The following AOPEP variants were observed in gnomAD, a reference collection of about 807,000 sequenced individuals.
The protein encoded by AOPEP is aminopeptidase O (putative), also known as aminopeptidase O.
A neutral mutation model predicts 98.1 loss-of-function variants in AOPEP; 77 were observed. That is an observed-to-expected ratio of 0.78 (90% CI 0.65 to 0.95). The LOEUF (loss-of-function observed/expected upper bound fraction) is 0.95. Among genes scored for constraint, AOPEP ranks in the 40% least tolerant of loss-of-function variants. The probability of loss-of-function intolerance (pLI) is 0.00; values close to 1 mark genes in which losing one functional copy is unlikely to be tolerated. For synonymous variants in AOPEP, 346 were observed against 365.3 expected, an observed-to-expected ratio of 0.95 and a Z score of 0.60; for missense variants, 1,024 against 1,024.7, an observed-to-expected ratio of 1.00 and a Z score of 0.01.
chr9:94,905,907 C>A lies in AOPEP; in HGVS notation c.1365-18079C>A, dbSNP rs534854240. On this transcript the variant is annotated intron_variant, in intron 5 of 16. Coordinates refer to ENST00000375315, the MANE Select transcript of AOPEP (RefSeq NM_001193329.3). ...AGGGGCTGGGGGGAGGGGGCCGGGG[C>A]CCTGTAGTGGACAGAAGTGACAGCA... 2.0e-5 allele frequency among the ~76,000 whole-genome samples: 3 copies of A among 152,178 alleles called. No individual in the cohort carries two copies. In the South Asian group the frequency reaches 6.2e-4, roughly 32 times the overall value.
At chr9:94,779,123 T>G (rs1400670032) in intron 3 of AOPEP, among the ~76,000 whole-genome samples, 1 of 152,218 alleles carries the variant, frequency 6.6e-6, no homozygotes, top group Admixed American at 6.5e-5. Context: ...ACACGCAGCT[T>G]CTTTATCTGG....
the AOPEP span, among the ~76,000 whole-genome samples, chr9:95,141,118 TG>T: frequency 2.9e-3 from 433 of 151,924 alleles, 9 homozygotes; most frequent in South Asian, 0.042. Flanking sequence ...AAGACCAGCC[TG>T]GGCAATATGG....
chr9:94,861,949 G>T (rs1335609745), intron 5 of AOPEP, among the ~76,000 whole-genome samples: 1 of 152,150 alleles, frequency 6.6e-6, no homozygotes, highest in Admixed American at 6.6e-5. Flanking sequence ...TGTTTGGTTG[G>T]ATTTTAAAAA....
intron 11 of AOPEP, among the ~76,000 whole-genome samples, chr9:95,003,446 C>T (rs760158007): frequency 3.3e-5 from 5 of 152,166 alleles, no homozygotes; most frequent in Admixed American, 6.5e-5. Flanking sequence ...CGTGAACTCC[C>T]AAGGAAAAAA....
intron 5 of AOPEP, among the ~76,000 whole-genome samples, chr9:94,913,907 A>G (rs1184608303): frequency 6.6e-6 from 1 of 152,280 alleles, no homozygotes; most frequent in Non-Finnish European, 1.5e-5. Flanking sequence ...CACAAATACA[A>G]TAAACCCAAT....
intron 3 of AOPEP, 140 bp downstream of exon 3, chr9:94,773,308 A>C (rs1293196357): frequency 1.4e-6 from 1 of 701,524 alleles, no homozygotes; most frequent in African/African-American, 1.8e-5. Flanking sequence ...ACATCCTGCC[A>C]GGGAAAACAA....
chr9:94,750,760 T>C (rs898158329), intron 1 of AOPEP, among the ~76,000 whole-genome samples: 14 of 146,630 alleles, frequency 9.5e-5, no homozygotes, highest in South Asian at 2.2e-4. Context: ...TTCTTTCTTT[T>C]TTTTTTTTTT....
In AOPEP at chr9:94,967,752, T is replaced by A; in HGVS notation, c.1873-6T>A. 1 of 1,612,336 alleles carries A rather than the reference T, an allele frequency of 6.2e-7. No homozygotes were observed. The highest frequency in any genetic ancestry group is 8.5e-7 in the Non-Finnish European group (1 of 1,178,368). ...ATCTTTAATGATTTGCTTTTTTTAA[T>A]CCCAGGATTTCCTTCAAATGCTACT... On this transcript the variant is annotated splice_polypyrimidine_tract_variant and splice_region_variant and intron_variant, in intron 9 of 16. Transcript: ENST00000375315.
At chr9:95,114,931 A>C in the AOPEP span, among the ~76,000 whole-genome samples, 1 of 152,148 alleles carries the variant, frequency 6.6e-6, no homozygotes, top group Admixed American at 6.5e-5. Context: ...CAAAGAATCT[A>C]ATCTTTTAAT....
intron 5 of AOPEP, among the ~76,000 whole-genome samples, chr9:94,858,520 C>T (rs544103152): frequency 6.6e-6 from 1 of 152,312 alleles, no homozygotes; most frequent in South Asian, 2.1e-4. Flanking sequence ...TTCCTTACCT[C>T]TTCCAGCTTC....
chr9:94,821,958 C>G (rs1258827827), intron 5 of AOPEP, among the ~76,000 whole-genome samples: 1 of 141,240 alleles, frequency 7.1e-6, no homozygotes, highest in Admixed American at 7.4e-5. Flanking sequence ...ATCTGTGCAC[C>G]CTGTGTGTGT....
Position 94,980,368 on chromosome 9 carries a change from C to T in AOPEP, c.1977+941C>T, listed in dbSNP as rs1471658859. 2.0e-5 allele frequency among the ~76,000 whole-genome samples: 3 copies of T among 152,222 alleles called. No homozygotes were observed. In the East Asian group the frequency reaches 5.8e-4, roughly 29 times the overall value. Reference sequence around the variant, plus strand: ...TGGGCCTTGGCATCTGGGGGCGGTCCCGTGTGGTGAGGCAGGCCCTGTAGC... The same window carrying T: ...TGGGCCTTGGCATCTGGGGGCGGTCTCGTGTGGTGAGGCAGGCCCTGTAGC... On this transcript the variant is annotated intron_variant, in intron 11 of 16. Transcript: ENST00000375315. This position sits in a 1 kb window ranked among gnomAD's most constrained non-coding sequence, Gnocchi z 4.3.
chr9:94,942,829 C>A (rs997939586), intron 7 of AOPEP, among the ~76,000 whole-genome samples: 1 of 148,960 alleles, frequency 6.7e-6, no homozygotes, highest in African/African-American at 2.5e-5. Flanking sequence ...CGCTTGAACC[C>A]GGGAGGCAGA....
intron 5 of AOPEP, among the ~76,000 whole-genome samples, chr9:94,802,053 A>G (rs1338903539): frequency 6.6e-6 from 1 of 152,178 alleles, no homozygotes; most frequent in African/African-American, 2.4e-5. Flanking sequence ...ATTTAGACTG[A>G]TTTTTATCCT....
At chr9:94,791,550 T>C (rs542381282) in intron 3 of AOPEP, among the ~76,000 whole-genome samples, 47 of 151,552 alleles carry the variant, frequency 3.1e-4, no homozygotes, top group Middle Eastern at 3.4e-3. Flanking sequence ...ATACCTGTAG[T>C]CCCAGCTACT....
intron 14 of AOPEP, among the ~76,000 whole-genome samples, chr9:95,074,973 A>G (rs1043707876): frequency 2.6e-5 from 4 of 152,308 alleles, no homozygotes; most frequent in Admixed American, 2.6e-4. Flanking sequence ...GCAGGTGTCC[A>G]GGACCCTGTG....
At chr9:94,799,563 CTG>C (rs1171038444) in intron 4 of AOPEP, among the ~76,000 whole-genome samples, 1 of 152,070 alleles carries the variant, frequency 6.6e-6, no homozygotes, top group African/African-American at 2.4e-5. Flanking sequence ...GAGTGAAATC[CTG>C]TCTTAAATAA....
chr9:95,002,173 T>C (rs2061602552), intron 11 of AOPEP, among the ~76,000 whole-genome samples: 1 of 152,220 alleles, frequency 6.6e-6, no homozygotes, highest in South Asian at 2.1e-4. Context: ...TTAAGCATTT[T>C]AGTGGTGAAA....
intron 5 of AOPEP, among the ~76,000 whole-genome samples, chr9:94,875,357 A>AAAAAAAAAAAG (rs1564301986): frequency 2.7e-4 from 40 of 147,558 alleles, no homozygotes; most frequent in African/African-American, 1.0e-3. Flanking sequence ...GAAAAAAAAA[A>AAAAAAAAAAAG]AAAAAAAAAA....
Sources: gnomAD v4.1 joint callset for allele counts (sites outside exome capture counted in the v4.1 genomes callset) on GRCh38, gnomAD v4.1.1 for gene constraint, Gnocchi (gnomAD v3.1) non-coding constraint, MANE v1.5 for transcripts, NCBI Gene and HGNC (gene_info 2026-07-23, HGNC 2026-07-21) for gene names.